Variants in FYCO1 observed in about 807,000 individuals in gnomAD.
The protein encoded by FYCO1 is FYVE and coiled-coil domain-containing protein 1.
In FYCO1, 122 loss-of-function variants were observed where a neutral mutation model predicts 165.1. The observed-to-expected ratio is 0.74, with a 90% CI of 0.64 to 0.86. The LOEUF (loss-of-function observed/expected upper bound fraction) is 0.86. Ranked by LOEUF, FYCO1 falls within the 40% of genes least tolerant of loss-of-function variation. The pLI is 0.00. For missense variants in FYCO1, 1,702 were observed against 1,810.3 expected (o/e 0.94, Z 1.09); for synonymous variants, 648 against 742.5 (o/e 0.87, Z 2.07).
intron 13 of FYCO1, among the ~76,000 whole-genome samples, chr3:45,956,717 G>T (rs1705350678): frequency 1.3e-5 from 2 of 152,142 alleles, no homozygotes; most frequent in Non-Finnish European, 2.9e-5. Context: ...AGACAGCAGG[G>T]ATCTAAAATG....
At chr3:45,936,657 C>G in intron 14 of FYCO1, 114 bp from the exon 15 acceptor site, 2 of 780,910 alleles carry the variant, frequency 2.6e-6, no homozygotes, top group Non-Finnish European at 4.6e-6. Flanking sequence ...CATGGGGGAT[C>G]CTTTAATCAT....
At chr3:45,930,941 C>T in intron 16 of FYCO1, 130 bp downstream of exon 16, 7 of 855,904 alleles carry the variant, frequency 8.2e-6, no homozygotes, top group African/African-American at 1.7e-5. Context: ...CTGCATGATA[C>T]TGCCCAGAAC....
chr3:45,939,822 T>C (rs1704117942), intron 14 of FYCO1, among the ~76,000 whole-genome samples: 1 of 152,260 alleles, frequency 6.6e-6, no homozygotes, highest in Non-Finnish European at 1.5e-5. Context: ...ACTAGCCATA[T>C]GTGGCTATAT....
At chr3:45,978,658 AAAAG>A (rs1249989659) in intron 4 of FYCO1, among the ~76,000 whole-genome samples, 3 of 152,204 alleles carry the variant, frequency 2.0e-5, no homozygotes, top group Non-Finnish European at 4.4e-5. Flanking sequence ...ACACTTACTG[AAAAG>A]AAAGAAGAAA....
chr3:45,975,718 T>C (rs748634421), intron 4 of FYCO1, among the ~76,000 whole-genome samples: 1 of 152,210 alleles, frequency 6.6e-6, no homozygotes, highest in Non-Finnish European at 1.5e-5. Flanking sequence ...AACTCAGTTT[T>C]ATATTAGAGT....
chr3:45,924,938 T>C (rs201532844), intron 16 of FYCO1, among the ~76,000 whole-genome samples: 4 of 20,236 alleles, frequency 2.0e-4, no homozygotes, highest in African/African-American at 5.1e-4. Flanking sequence ...TTAAAAAAAA[T>C]TTTTTTTTTA....
chr3:45,966,672 G>C lies in FYCO1; in HGVS notation c.2662C>G (p.Gln888Glu), dbSNP rs1706039109. The change falls in exon 8 of 18, where the codon CAG becomes GAG. Residue 888 changes from glutamine to glutamate, a missense_variant. Coordinates refer to ENST00000296137, the MANE Select transcript of FYCO1 (RefSeq NM_024513.4). ...SQAKCSSEEAQLEHAELQEQL... is the reference protein window; with the variant it reads ...SQAKCSSEEAELEHAELQEQL... ...TCTTGCAGCTCAGCGTGCTCCAGCT[G>C]TGCTTCCTCGGAGCTGCATTTGGCC... 6.2e-7 allele frequency: 1 copy of C among 1,613,932 alleles called. No individual in the cohort carries two copies. The highest frequency in any genetic ancestry group is 8.5e-7 in the Non-Finnish European group (1 of 1,180,030).
intron 15 of FYCO1, among the ~76,000 whole-genome samples, chr3:45,933,471 G>A (rs1446101964): frequency 6.6e-6 from 1 of 152,148 alleles, no homozygotes; most frequent in African/African-American, 2.4e-5. Flanking sequence ...CCTTGGATCT[G>A]TGTGGTCTAG....
At position 45,967,432 on chromosome 3, in the gene FYCO1, G is replaced by T. The variant is rs371412255; in HGVS notation, c.1902C>A (p.Leu634=). The part of the protein sequence containing the change: ...ELQNVVGRNQ[L]LEGKLQALQA... ...GCAGGGCTTGCAGCTTGCCCTCCAG[G>T]AGCTGGTTACGCCCGACCACATTCT... is the stretch of plus-strand genomic sequence containing the variant. Residue 634 remains leucine, a synonymous_variant, in exon 8 of 18, where the codon CTC becomes CTA. Transcript: ENST00000296137. The T allele has an allele frequency of 1.9e-6, 3 of 1,613,286 alleles. No homozygotes were observed. The African/African-American group carries it at 4.0e-5, about 22-fold the overall frequency.
rs1706117007 is a variant in FYCO1 at position 45,967,331 on chromosome 3, G to T, written c.2003C>A (p.Ala668Asp). Reference protein sequence around the residue: ...GSLASLEAEQASIRHLGDQME... With the variant: ...GSLASLEAEQDSIRHLGDQME... ...CTGGTCACCCAAGTGCCGGATGCTG[G>T]CCTGCTCGGCCTCCAGGGAGGCCAA... The change falls in exon 8 of 18, where the codon GCC becomes GAC. Residue 668 changes from alanine to aspartate, a missense_variant. Ala to Asp is a moderately radical substitution (Grantham distance 126). Transcript: ENST00000296137. 1 of 1,610,582 alleles carries T rather than the reference G, an allele frequency of 6.2e-7. No individual in the cohort carries two copies. The highest frequency in any genetic ancestry group is 8.5e-7 in the Non-Finnish European group (1 of 1,177,676).
intron 16 of FYCO1, among the ~76,000 whole-genome samples, chr3:45,924,584 G>A (rs1230725595): frequency 1.3e-5 from 2 of 152,040 alleles, no homozygotes; most frequent in Non-Finnish European, 2.9e-5. Flanking sequence ...AAATATTCTA[G>A]GAGATAAGGC....
rs201774902 is a variant in FYCO1, at chr3:45,964,500, A to G, written c.3151-46T>C. 8.1e-6 allele frequency: 13 copies of G among 1,611,414 alleles called. No homozygotes were observed. The Admixed American group carries it at 2.0e-4, about 25-fold the overall frequency. ...GAAGACACTCAGCTTGCAGAAGGCC[A>G]TGCAACGTACCATAAAGTGGCTGGT... On this transcript the variant is annotated intron_variant, in intron 9 of 17. Transcript: ENST00000296137. This position sits in a 1 kb window ranked among gnomAD's most constrained non-coding sequence, Gnocchi z 4.1.
intron 3 of FYCO1, 116 bp downstream of exon 3, chr3:45,981,454 C>T (rs1707050559): frequency 1.5e-5 from 11 of 728,210 alleles, no homozygotes; most frequent in African/African-American, 6.9e-5. Flanking sequence ...AATCTAACCA[C>T]GAGGGCTTAC....
At chr3:45,932,356 C>G (rs1479390075) in intron 15 of FYCO1, among the ~76,000 whole-genome samples, 1 of 152,236 alleles carries the variant, frequency 6.6e-6, no homozygotes, top group Non-Finnish European at 1.5e-5. Flanking sequence ...TGGCGGCCAT[C>G]ATAGGCCACG....
At chr3:45,942,651 A>G (rs1704301627) in intron 14 of FYCO1, among the ~76,000 whole-genome samples, 1 of 152,184 alleles carries the variant, frequency 6.6e-6, no homozygotes, top group Non-Finnish European at 1.5e-5. Context: ...CATGCCTCCA[A>G]TTCCTGCCTT....
In FYCO1 at chr3:45,967,981, C is replaced by T; in HGVS notation, c.1353G>A (p.Glu451=). The change falls in exon 8 of 18, where the codon GAG becomes GAA. Residue 451 remains glutamate, a synonymous_variant. Transcript: ENST00000296137. The stretch of plus-strand genomic sequence containing the variant: ...ACAACTCCTCCTGGAGTGGGGCCAT[C>T]TCCTTCACCAGGCGCTCCAGGCTGG... The part of the protein sequence containing the change: ...ARASLERLVK[E]MAPLQEELSG... The T allele has an allele frequency of 1.2e-6, 2 of 1,614,184 alleles. No homozygotes were observed. Among genetic ancestry groups the T allele is most frequent in the Non-Finnish European group, 1.7e-6 (2 of 1,180,040 alleles).
chr3:45,984,734 A>C (rs975475891), intron 2 of FYCO1, 122 bp downstream of exon 2: 3 of 949,884 alleles, frequency 3.2e-6, no homozygotes, highest in Non-Finnish European at 5.2e-6. Flanking sequence ...ATGTGACCTG[A>C]GGACTCCAAT....
At chr3:45,969,137 A>C (rs1706277813) in intron 7 of FYCO1, among the ~76,000 whole-genome samples, 1 of 152,194 alleles carries the variant, frequency 6.6e-6, no homozygotes, top group Admixed American at 6.5e-5. Context: ...GATCATTTTA[A>C]TTTTTTTAAT....
At chr3:45,924,544 G>T (rs894462964) in intron 16 of FYCO1, among the ~76,000 whole-genome samples, 1 of 152,124 alleles carries the variant, frequency 6.6e-6, no homozygotes, top group South Asian at 2.1e-4. Flanking sequence ...CTACTTACCA[G>T]CTAAGACACA....
Sources: allele counts gnomAD v4.1 joint callset (sites outside exome capture counted in the v4.1 genomes callset), GRCh38; gene constraint gnomAD v4.1.1; non-coding constraint Gnocchi (gnomAD v3.1); transcripts MANE v1.5; gene names NCBI Gene and HGNC (gene_info 2026-07-23, HGNC 2026-07-21).